ATP2C1: variants seen among roughly 807,000 people sequenced by gnomAD.
The protein encoded by ATP2C1 is calcium-transporting ATPase type 2C member 1.
In ATP2C1, 31 loss-of-function variants were observed where a neutral mutation model predicts 120.5. The observed-to-expected ratio is 0.26, with a 90% CI of 0.19 to 0.35. The LOEUF (loss-of-function observed/expected upper bound fraction) is 0.35, where lower values mean the gene tolerates loss of function less well. Among genes scored for constraint, ATP2C1 ranks in the 10% least tolerant of loss-of-function variants. The pLI, the probability that ATP2C1 is intolerant of heterozygous loss-of-function variation, is 1.00. For synonymous variants in ATP2C1, 351 were observed against 358.7 expected, an observed-to-expected ratio of 0.98 and a Z score of 0.24; for missense variants, 731 against 1,107.5, an observed-to-expected ratio of 0.66 and a Z score of 4.83.
At chr3:130,865,477 G>A (rs2068142846) in intron 1 of ATP2C1, among the ~76,000 whole-genome samples, 1 of 152,176 alleles carries the variant, frequency 6.6e-6, no homozygotes, top group Non-Finnish European at 1.5e-5. Context: ...GTTAGGAGAT[G>A]ATATTTGGAG....
chr3:130,945,758 T>C lies in ATP2C1; in HGVS notation c.531+4059T>C, dbSNP rs1365134916. 2.0e-5 allele frequency among the ~76,000 whole-genome samples: 3 copies of C among 152,092 alleles called. No individual in the cohort carries two copies. In the East Asian group the frequency reaches 5.8e-4, roughly 29 times the overall value. On this transcript the variant is annotated intron_variant, in intron 8 of 27. Transcript: ENST00000510168. ...TATGTGCCACATTTTCTTAATCCAG[T>C]CTATCATTGAACAGTATGTTTTGCC...
chr3:130,989,865 T>C (rs2108860122), intron 20 of ATP2C1, among the ~76,000 whole-genome samples: 1 of 152,336 alleles, frequency 6.6e-6, no homozygotes, highest in Admixed American at 6.5e-5. Flanking sequence ...AATTAGAGTT[T>C]TCACTTGGAA....
intron 24 of ATP2C1, 60 bp downstream of exon 24, chr3:130,996,856 TAAGTTTTAA>T: frequency 8.5e-7 from 1 of 1,182,408 alleles, no homozygotes; most frequent in South Asian, 1.2e-5. Context: ...CCCTGATAAT[TAAGTTTTAA>T]AACTTGATTT....
upstream of ATP2C1, among the ~76,000 whole-genome samples, chr3:130,890,395 G>A (rs1198066593): frequency 2.0e-5 from 3 of 152,154 alleles, no homozygotes; most frequent in South Asian, 2.1e-4. Flanking sequence ...TAGTATATAA[G>A]ATCCCAAATA....
intron 2 of ATP2C1, among the ~76,000 whole-genome samples, chr3:130,921,415 TTGGA>T (rs1194461035): frequency 6.6e-6 from 1 of 152,148 alleles, no homozygotes; most frequent in Middle Eastern, 3.2e-3. Flanking sequence ...CCTTTCTGAT[TTGGA>T]TGTATTTTTT....
At chr3:130,893,777 T>A (rs2069299695), upstream of ATP2C1, among the ~76,000 whole-genome samples, 1 of 151,638 alleles carries the variant, frequency 6.6e-6, no homozygotes, top group African/African-American at 2.4e-5. Flanking sequence ...GTTCAGGGGG[T>A]GCATATAAAC....
At chr3:130,856,102 C>T (rs1344827252) in intron 1 of ATP2C1, 1 of 151,826 alleles carries the variant, frequency 6.6e-6, no homozygotes, top group Non-Finnish European at 1.5e-5. Flanking sequence ...TGTACTGTAG[C>T]TACATTTTAA....
chr3:130,869,373 T>G (rs1576551999), intron 1 of ATP2C1: 1 of 143,364 alleles, frequency 7.0e-6, no homozygotes, highest in South Asian at 2.2e-4. Context: ...ACTATTGTCC[T>G]ATGACCCTGC....
chr3:131,000,061 C>A (rs1481837404), intron 27 of ATP2C1, among the ~76,000 whole-genome samples: 1 of 152,060 alleles, frequency 6.6e-6, no homozygotes, highest in Non-Finnish European at 1.5e-5. Flanking sequence ...ATTATTCTTT[C>A]TTGTTTGTAC....
chr3:130,976,568 A>G (rs1227405369), intron 18 of ATP2C1, among the ~76,000 whole-genome samples: 1 of 152,158 alleles, frequency 6.6e-6, no homozygotes, highest in African/African-American at 2.4e-5. Context: ...TTGGATGGAA[A>G]AAAATTTAAA....
intron 2 of ATP2C1, among the ~76,000 whole-genome samples, chr3:130,908,628 G>C (rs1178844322): frequency 6.6e-6 from 1 of 151,972 alleles, no homozygotes; most frequent in Non-Finnish European, 1.5e-5. Flanking sequence ...ACAATGAGCA[G>C]GTTTTTGTTT....
intron 14 of ATP2C1, among the ~76,000 whole-genome samples, chr3:130,966,644 C>T (rs757844892): frequency 5.3e-5 from 8 of 152,020 alleles, no homozygotes; most frequent in Non-Finnish European, 1.2e-4. Context: ...CCTGGTTTGT[C>T]TCTACCTCTG....
At chr3:130,975,579 A>C in intron 18 of ATP2C1, 91 bp downstream of exon 18, 1 of 1,408,676 alleles carries the variant, frequency 7.1e-7, no homozygotes, top group Non-Finnish European at 9.9e-7. Context: ...TGAGCTGTCC[A>C]ACTCACTTCC....
rs1355411486 is a variant in ATP2C1 at position 130,894,226 on chromosome 3, C to T, written c.-292C>T. ...TCTCACGCCGGGAGCAGGCTCCCGC[C>T]TCGCACCGCTGCCCCGCGAGCAGCT... On this transcript the variant is annotated 5_prime_UTR_variant, in exon 1 of 28. Coordinates refer to ENST00000510168, the MANE Select transcript of ATP2C1 (RefSeq NM_001378687.1). This position sits in a 1 kb window ranked among gnomAD's most constrained non-coding sequence, Gnocchi z 4.5. 1 of 985,396 alleles carries T rather than the reference C, an allele frequency of 1.0e-6. No homozygotes were observed. The highest frequency in any genetic ancestry group is 1.2e-6 in the Non-Finnish European group (1 of 829,978). 61.0% of individuals were successfully genotyped at this position (985,396 alleles called of 1,614,324 possible). A position where few individuals can be genotyped will look rare whatever the true frequency, so the allele number is the denominator to read the frequency against.
chr3:130,892,008 A>G (rs2069187207), upstream of ATP2C1, among the ~76,000 whole-genome samples: 1 of 152,158 alleles, frequency 6.6e-6, no homozygotes, highest in African/African-American at 2.4e-5. Flanking sequence ...TGGCTTAGTA[A>G]TAGGAACAAT....
intron 2 of ATP2C1, among the ~76,000 whole-genome samples, chr3:130,922,104 T>G (rs766028354): frequency 6.6e-6 from 1 of 152,156 alleles, no homozygotes; most frequent in Non-Finnish European, 1.5e-5. Flanking sequence ...TTTTTTTTGT[T>G]GGCAATTTTT....
At chr3:130,951,251 A>G (rs1461716686) in intron 8 of ATP2C1, among the ~76,000 whole-genome samples, 1 of 152,170 alleles carries the variant, frequency 6.6e-6, no homozygotes. Flanking sequence ...TTGCAGATTG[A>G]TCCTCTAAAT....
intron 2 of ATP2C1, among the ~76,000 whole-genome samples, chr3:130,897,942 T>C (rs2069778899): frequency 6.6e-6 from 1 of 152,188 alleles, no homozygotes; most frequent in African/African-American, 2.4e-5. Flanking sequence ...AGATCCCGCT[T>C]AGGCATCTTG....
chr3:130,943,164 G>T (rs544493572), intron 8 of ATP2C1, among the ~76,000 whole-genome samples: 171 of 152,284 alleles, frequency 1.1e-3, no homozygotes, highest in Admixed American at 3.5e-3. Flanking sequence ...TGTCAGTATA[G>T]ATTAGTATGT....
Sources: allele counts gnomAD v4.1 joint callset (sites outside exome capture counted in the v4.1 genomes callset), GRCh38; gene constraint gnomAD v4.1.1; non-coding constraint Gnocchi (gnomAD v3.1); transcripts MANE v1.5; gene names NCBI Gene and HGNC (gene_info 2026-07-23, HGNC 2026-07-21).